MLLT3: variants seen among roughly 807,000 people sequenced by gnomAD.
The protein encoded by MLLT3 is protein AF-9.
Under a neutral mutation model 53.2 loss-of-function variants are expected in MLLT3, and 4 were observed. That is an observed-to-expected ratio of 0.08 (90% CI 0.04 to 0.17). MLLT3 has a LOEUF of 0.17. Among genes scored for constraint, MLLT3 ranks in the 10% least tolerant of loss-of-function variants. The pLI, the probability that MLLT3 is intolerant of heterozygous loss-of-function variation, is 1.00. For synonymous variants in MLLT3, 283 were observed against 230.6 expected (o/e 1.23, Z -2.06); for missense variants, 569 against 684.0 (o/e 0.83, Z 1.87).
At chr9:20,595,177 T>A (rs1344848345) in intron 2 of MLLT3, among the ~76,000 whole-genome samples, 1 of 152,040 alleles carries the variant, frequency 6.6e-6, no homozygotes, top group Admixed American at 6.6e-5. Flanking sequence ...GGCAACAAAG[T>A]GAGATCTCCA....
At chr9:20,415,771 AAAC>A (rs1160575765) in intron 4 of MLLT3, among the ~76,000 whole-genome samples, 1 of 152,092 alleles carries the variant, frequency 6.6e-6, no homozygotes, top group South Asian at 2.1e-4. Context: ...TGCAAAAACA[AAAC>A]AACAAAAAAT....
chr9:20,575,975 T>C (rs1422039461), intron 2 of MLLT3, among the ~76,000 whole-genome samples: 1 of 152,204 alleles, frequency 6.6e-6, no homozygotes, highest in Non-Finnish European at 1.5e-5. Flanking sequence ...CTTTTTCCAA[T>C]CGAAGGCCGT....
At chr9:20,579,454 C>T (rs138071199) in intron 2 of MLLT3, among the ~76,000 whole-genome samples, 2 of 151,720 alleles carry the variant, frequency 1.3e-5, no homozygotes, top group Non-Finnish European at 2.9e-5. Context: ...TTGGTATCAT[C>T]GAGAAACAAG....
chr9:20,362,494 C>A (rs923340428), intron 7 of MLLT3, among the ~76,000 whole-genome samples: 1 of 152,058 alleles, frequency 6.6e-6, no homozygotes, highest in African/African-American at 2.4e-5. Flanking sequence ...TGTTATAAGG[C>A]CATGGGCATA....
Position 20,603,696 on chromosome 9 carries a change from A to T in MLLT3, c.193+16958T>A, listed in dbSNP as rs907426927. Among the ~76,000 whole-genome samples, 10 of 152,088 alleles carry T rather than the reference A, an allele frequency of 6.6e-5. 1 individual carries two copies. Among genetic ancestry groups the T allele is most frequent in the Admixed American group, 5.2e-4 (8 of 15,246 alleles). ...TAATCTCACAGCTGGAGATGGCTGG[A>T]AAGTCCGTTAGTACTCATTGTGCCC... On this transcript the variant is annotated intron_variant, in intron 2 of 10. Coordinates refer to ENST00000380338, the MANE Select transcript of MLLT3 (RefSeq NM_004529.4).
At chr9:20,561,468 T>C (rs1819208736) in intron 2 of MLLT3, among the ~76,000 whole-genome samples, 1 of 152,310 alleles carries the variant, frequency 6.6e-6, no homozygotes, top group East Asian at 1.9e-4. Flanking sequence ...AGAACTATTA[T>C]CCTTCTATGC....
At chr9:20,565,532 G>T (rs1479781866) in intron 2 of MLLT3, among the ~76,000 whole-genome samples, 1 of 151,902 alleles carries the variant, frequency 6.6e-6, no homozygotes, top group East Asian at 1.9e-4. Context: ...CACACTGCTA[G>T]GTAATTCAAC....
chr9:20,600,579 T>C (rs183161355), intron 2 of MLLT3, among the ~76,000 whole-genome samples: 1 of 152,320 alleles, frequency 6.6e-6, no homozygotes, highest in African/African-American at 2.4e-5. Context: ...TGTCACCTAT[T>C]TCCCGATTAA....
intron 2 of MLLT3, among the ~76,000 whole-genome samples, chr9:20,608,946 A>G (rs1221019486): frequency 1.3e-5 from 2 of 152,004 alleles, no homozygotes; most frequent in African/African-American, 4.8e-5. Flanking sequence ...ATTTTTATCT[A>G]TCACATACTT....
At chr9:20,452,708 A>G (rs977641893) in intron 3 of MLLT3, among the ~76,000 whole-genome samples, 1 of 152,226 alleles carries the variant, frequency 6.6e-6, no homozygotes, top group Non-Finnish European at 1.5e-5. Flanking sequence ...TGAAAAATAA[A>G]AAATATATCC....
At chr9:20,369,181 C>T (rs536399845) in intron 5 of MLLT3, among the ~76,000 whole-genome samples, 4 of 151,952 alleles carry the variant, frequency 2.6e-5, no homozygotes, top group Non-Finnish European at 4.4e-5. Flanking sequence ...ACCCAGAGAC[C>T]GATAATCACA....
intron 4 of MLLT3, among the ~76,000 whole-genome samples, chr9:20,432,556 C>T (rs556914769): frequency 2.6e-5 from 4 of 151,926 alleles, no homozygotes; most frequent in Non-Finnish European, 4.4e-5. Flanking sequence ...TGTCCTAATA[C>T]GTGGAGTTAG....
intron 2 of MLLT3, among the ~76,000 whole-genome samples, chr9:20,563,401 G>A (rs951047895): frequency 6.6e-6 from 1 of 152,004 alleles, no homozygotes; most frequent in Non-Finnish European, 1.5e-5. Flanking sequence ...GTAGGGAGGG[G>A]TGTCATATAT....
chr9:20,477,347 A>C (rs1054058213), intron 2 of MLLT3, among the ~76,000 whole-genome samples: 4 of 152,134 alleles, frequency 2.6e-5, no homozygotes. Context: ...TTTTTAAAGT[A>C]GTATTTTAGA....
chr9:20,392,248 T>C (rs1004635235), intron 5 of MLLT3, among the ~76,000 whole-genome samples: 2 of 152,208 alleles, frequency 1.3e-5, no homozygotes, highest in African/African-American at 4.8e-5. Context: ...TACCTGGTAA[T>C]TGTAAGAACC....
intron 2 of MLLT3, among the ~76,000 whole-genome samples, chr9:20,579,136 T>G (rs534178884): frequency 3.3e-5 from 5 of 152,224 alleles, no homozygotes; most frequent in African/African-American, 1.2e-4. Flanking sequence ...CAGGCTGAAG[T>G]GCAGGAGGAT....
chr9:20,602,332 T>C (rs1820445614), intron 2 of MLLT3, among the ~76,000 whole-genome samples: 1 of 152,134 alleles, frequency 6.6e-6, no homozygotes, highest in Non-Finnish European at 1.5e-5. Context: ...CATAAATAAC[T>C]ATACAGCATA....
chr9:20,402,437 G>C (rs142203794), intron 5 of MLLT3, among the ~76,000 whole-genome samples: 1 of 152,194 alleles, frequency 6.6e-6, no homozygotes, highest in Admixed American at 6.5e-5. Context: ...TTTGTAGATA[G>C]ACTAAGAAGA....
At position 20,621,664 on chromosome 9, in the gene MLLT3, C is replaced by G. The variant is rs980494508; in HGVS notation, c.12+581G>C. On this transcript the variant is annotated intron_variant, in intron 1 of 10. Coordinates refer to ENST00000380338, the MANE Select transcript of MLLT3 (RefSeq NM_004529.4). The surrounding 1 kb of genome is among the most constrained non-coding windows in gnomAD (Gnocchi z 7.0). ...GGGCGGCGGGCGGACAGCCGCCGAG[C>G]CTCGGCTCGCGCTCAGCACCTCCCG... 1.1e-5 allele frequency: 12 copies of G among 1,120,784 alleles called. No individual in the cohort carries two copies. Among genetic ancestry groups the G allele is most frequent in the African/African-American group, 1.7e-5 (1 of 60,026 alleles). The allele number at this position is 1,120,784 out of a possible 1,614,324, so 69.4% of individuals were successfully genotyped here.
Sources: allele counts gnomAD v4.1 joint callset (sites outside exome capture counted in the v4.1 genomes callset), GRCh38; gene constraint gnomAD v4.1.1; non-coding constraint Gnocchi (gnomAD v3.1); transcripts MANE v1.5; gene names NCBI Gene and HGNC (gene_info 2026-07-23, HGNC 2026-07-21).